The following VPS8 variants were observed in gnomAD, a reference collection of about 807,000 sequenced individuals.
The protein encoded by VPS8 is VPS8 subunit of CORVET complex.
VPS8 carries 129 observed loss-of-function variants against 216.4 expected under a neutral mutation model. The observed-to-expected ratio is 0.60, with a 90% CI of 0.52 to 0.69. The LOEUF (loss-of-function observed/expected upper bound fraction) is 0.69. Ranked by LOEUF, VPS8 falls within the 30% of genes least tolerant of loss-of-function variation. The pLI is 0.00. For missense variants in VPS8, 1,531 were observed against 1,683.5 expected (o/e 0.91, Z 1.59); for synonymous variants, 571 against 565.4 (o/e 1.01, Z -0.14).
At chr3:184,836,888 A>T (rs1442879528) in intron 5 of VPS8, among the ~76,000 whole-genome samples, 1 of 152,202 alleles carries the variant, frequency 6.6e-6, no homozygotes, top group African/African-American at 2.4e-5. Flanking sequence ...ATCCTTTTCA[A>T]AGTAGTATGA....
At chr3:184,910,455 T>C (rs1385815948) in intron 25 of VPS8, among the ~76,000 whole-genome samples, 1 of 152,152 alleles carries the variant, frequency 6.6e-6, no homozygotes, top group African/African-American at 2.4e-5. Context: ...CTTCTCCAAG[T>C]GAAGGAACTC....
At chr3:184,942,804 G>A (rs530894580) in intron 36 of VPS8, among the ~76,000 whole-genome samples, 1 of 152,162 alleles carries the variant, frequency 6.6e-6, no homozygotes, top group African/African-American at 2.4e-5. Flanking sequence ...CATTTTAAAT[G>A]ATAGTATCTC....
At chr3:185,043,545 A>G (rs2108517151) in intron 46 of VPS8, among the ~76,000 whole-genome samples, 1 of 152,320 alleles carries the variant, frequency 6.6e-6, no homozygotes, top group South Asian at 2.1e-4. Flanking sequence ...GGCAGAAGGC[A>G]TTCGTGAACG....
At chr3:185,048,323 C>T (rs186177854) in intron 46 of VPS8, among the ~76,000 whole-genome samples, 156 bp from the exon 47 acceptor site, 1 of 152,348 alleles carries the variant, frequency 6.6e-6, no homozygotes, top group East Asian at 1.9e-4. Context: ...CGATTTCTAA[C>T]TCATGTTCAG....
At chr3:184,892,281 A>G (rs1732487342) in intron 22 of VPS8, among the ~76,000 whole-genome samples, 1 of 152,170 alleles carries the variant, frequency 6.6e-6, no homozygotes, top group Admixed American at 6.5e-5. Flanking sequence ...GCTGGAGTCG[A>G]TCTCGGCTCA....
chr3:185,009,221 C>A (rs1193414496), intron 45 of VPS8, among the ~76,000 whole-genome samples: 2 of 151,968 alleles, frequency 1.3e-5, no homozygotes, highest in African/African-American at 4.8e-5. Flanking sequence ...TTTTATAGAA[C>A]TAAGGTTTTG....
rs902002088 is a variant in VPS8 at position 185,050,254 on chromosome 3, G to A, written c.4138-1622G>A. On this transcript the variant is annotated intron_variant, in intron 47 of 47. Transcript: ENST00000625842. ...AACAGTCATTGCAGAGAACGTCGCA[G>A]GCTGATGGGCAACTGAGAGGGTTAC... 4.6e-5 allele frequency among the ~76,000 whole-genome samples: 7 copies of A among 151,954 alleles called. No homozygotes were observed. In the East Asian group the frequency reaches 7.7e-4, roughly 17 times the overall value.
intron 22 of VPS8, among the ~76,000 whole-genome samples, chr3:184,892,361 C>T (rs1168532814): frequency 4.6e-5 from 7 of 152,060 alleles, no homozygotes; most frequent in East Asian, 1.9e-4. Flanking sequence ...GGATTACAGG[C>T]GCGTGCCACC....
chr3:184,909,532 A>G (rs980919511), intron 25 of VPS8, among the ~76,000 whole-genome samples: 1 of 152,060 alleles, frequency 6.6e-6, no homozygotes, highest in Non-Finnish European at 1.5e-5. Flanking sequence ...CTTCATGTCA[A>G]TTCAACTGTT....
rs138343738 is a variant in VPS8 at position 184,995,486 on chromosome 3, A to G, written c.3667-846A>G. On this transcript the variant is annotated intron_variant, in intron 43 of 47. Coordinates refer to ENST00000625842, the MANE Select transcript of VPS8 (RefSeq NM_001009921.3). The stretch of plus-strand genomic sequence containing the variant: ...AACTATGGAAGAGGAGAAAAAGATA[A>G]TACTGATTGGAAAGAAGTAGAATAG... Among the ~76,000 whole-genome samples the G allele has an allele frequency of 5.5e-3, 840 of 152,308 alleles. 7 individuals are homozygous for G. The highest frequency in any genetic ancestry group is 0.019 in the African/African-American group (782 of 41,558).
chr3:184,983,499 C>G (rs1750551506), intron 42 of VPS8, among the ~76,000 whole-genome samples: 1 of 152,140 alleles, frequency 6.6e-6, no homozygotes, highest in African/African-American at 2.4e-5. Flanking sequence ...CTTTCTAACT[C>G]ATCCTAAAAT....
chr3:185,024,996 C>G (rs1394964709), intron 46 of VPS8, among the ~76,000 whole-genome samples: 1 of 133,104 alleles, frequency 7.5e-6, no homozygotes, highest in African/African-American at 3.8e-5. Flanking sequence ...GAGTGAAACT[C>G]CATCTCAAAA....
intron 40 of VPS8, among the ~76,000 whole-genome samples, chr3:184,977,025 G>A (rs1207840701): frequency 6.6e-6 from 1 of 152,110 alleles, no homozygotes; most frequent in Non-Finnish European, 1.5e-5. Context: ...CGGTTCTTTT[G>A]AGAAATCTCC....
At chr3:184,825,077 T>C in intron 2 of VPS8, 1 of 319,174 alleles carries the variant, frequency 3.1e-6, no homozygotes, top group Non-Finnish European at 6.1e-6. Context: ...GCCTAATTTT[T>C]AATTTTTTTG....
intron 25 of VPS8, among the ~76,000 whole-genome samples, chr3:184,905,989 C>G (rs555112099): frequency 2.0e-5 from 3 of 151,988 alleles, no homozygotes; most frequent in African/African-American, 4.8e-5. Context: ...TATCAGAAGC[C>G]TTAGAATTTT....
chr3:184,836,564 C>A (rs1229698362), intron 5 of VPS8, among the ~76,000 whole-genome samples: 3 of 152,172 alleles, frequency 2.0e-5, no homozygotes, highest in African/African-American at 7.2e-5. Context: ...ATTGCTATGG[C>A]TGAGCTCCTT....
chr3:184,841,829 G>A (rs2108602726), intron 7 of VPS8, among the ~76,000 whole-genome samples: 1 of 152,262 alleles, frequency 6.6e-6, no homozygotes, highest in South Asian at 2.1e-4. Context: ...ACAGAGCCAA[G>A]TTCAGCCAAG....
chr3:184,914,384 A>C (rs1056307016), intron 26 of VPS8, among the ~76,000 whole-genome samples: 1 of 152,228 alleles, frequency 6.6e-6, no homozygotes, highest in African/African-American at 2.4e-5. Flanking sequence ...AATAGAAAAA[A>C]GGTAGACATG....
chr3:184,836,829 T>C (rs928165475), intron 5 of VPS8, among the ~76,000 whole-genome samples: 1 of 152,212 alleles, frequency 6.6e-6, no homozygotes, highest in African/African-American at 2.4e-5. Context: ...TGGAAAACAC[T>C]TGGAGAGATG....
Sources: gnomAD v4.1 joint callset for allele counts (sites outside exome capture counted in the v4.1 genomes callset) on GRCh38, gnomAD v4.1.1 for gene constraint, MANE v1.5 for transcripts, NCBI Gene and HGNC (gene_info 2026-07-23, HGNC 2026-07-21) for gene names.